ANKFN1: variants seen among roughly 807,000 people sequenced by gnomAD.
ANKFN1 encodes ankyrin repeat and fibronectin type III domain containing 1.
In ANKFN1, 74 loss-of-function variants were observed where a neutral mutation model predicts 108.7. That is an observed-to-expected ratio of 0.68 (90% CI 0.56 to 0.83). ANKFN1 has a LOEUF of 0.83. Ranked by LOEUF, ANKFN1 falls within the 40% of genes least tolerant of loss-of-function variation. ANKFN1 has a pLI of 0.00. For synonymous variants in ANKFN1, 547 were observed against 516.2 expected (o/e 1.06, Z -0.81); for missense variants, 1,505 against 1,382.3 (o/e 1.09, Z -1.41).
At chr17:56,113,646 G>C (rs942694103) in intron 4 of ANKFN1, among the ~76,000 whole-genome samples, 1 of 152,164 alleles carries the variant, frequency 6.6e-6, no homozygotes, top group Non-Finnish European at 1.5e-5. Context: ...TTGTAATGAG[G>C]CAGTGCATGT....
intron 8 of ANKFN1, among the ~76,000 whole-genome samples, chr17:56,388,373 C>T (rs1346044440): frequency 6.6e-6 from 1 of 152,034 alleles, no homozygotes; most frequent in Non-Finnish European, 1.5e-5. Flanking sequence ...CTCTAGTGAT[C>T]CACCCACCTT....
chr17:56,339,867 G>A (rs2045915567), intron 4 of ANKFN1, among the ~76,000 whole-genome samples: 1 of 152,110 alleles, frequency 6.6e-6, no homozygotes, highest in Non-Finnish European at 1.5e-5. Flanking sequence ...TTAGGTCTTT[G>A]AGGAATCACC....
intron 8 of ANKFN1, among the ~76,000 whole-genome samples, chr17:56,391,378 G>A (rs1402563770): frequency 0.017 from 525 of 31,200 alleles, 5 homozygotes; most frequent in East Asian, 0.1. Context: ...ATGTGTGTGT[G>A]TGTGTGTGTG....
chr17:56,239,272 G>T (rs1327005048), intron 3 of ANKFN1, among the ~76,000 whole-genome samples: 1 of 152,086 alleles, frequency 6.6e-6, no homozygotes, highest in African/African-American at 2.4e-5. Flanking sequence ...TTGGTTAATG[G>T]CTACAAAAAT....
chr17:56,082,134 A>G (rs962307901), intron 4 of ANKFN1, among the ~76,000 whole-genome samples: 4 of 152,132 alleles, frequency 2.6e-5, no homozygotes, highest in Non-Finnish European at 5.9e-5. Flanking sequence ...ATGTCTGACT[A>G]GCTACCAGTT....
intron 4 of ANKFN1, among the ~76,000 whole-genome samples, chr17:56,113,804 G>A (rs1410890195): frequency 6.6e-6 from 1 of 152,170 alleles, no homozygotes; most frequent in Non-Finnish European, 1.5e-5. Context: ...TAGAGTCTTT[G>A]AGCAGTGACT....
intron 4 of ANKFN1, among the ~76,000 whole-genome samples, chr17:56,105,579 T>C (rs1447367640): frequency 5.3e-5 from 8 of 152,016 alleles, no homozygotes; most frequent in Non-Finnish European, 1.2e-4. Context: ...ATTTCTTCCT[T>C]CTTTTCTTCC....
At chr17:56,411,866 A>T (rs969612339) in intron 8 of ANKFN1, among the ~76,000 whole-genome samples, 1 of 152,146 alleles carries the variant, frequency 6.6e-6, no homozygotes, top group Non-Finnish European at 1.5e-5. Context: ...TTATATTTAT[A>T]GTGTGCTGTT....
At chr17:56,428,248 A>G (rs866784198) in intron 8 of ANKFN1, among the ~76,000 whole-genome samples, 173 of 151,838 alleles carry the variant, frequency 1.1e-3, no homozygotes, top group African/African-American at 4.0e-3. Context: ...AAAAAAAAAG[A>G]AAAGAAAGAC....
intron 6 of ANKFN1, among the ~76,000 whole-genome samples, chr17:56,361,614 TA>T (rs1477832927): frequency 1.3e-5 from 2 of 152,162 alleles, no homozygotes; most frequent in Non-Finnish European, 2.9e-5. Flanking sequence ...GTGTAATAAT[TA>T]CCCCCAAACA....
chr17:56,187,210 A>C (rs927573192), intron 1 of ANKFN1, among the ~76,000 whole-genome samples: 1 of 152,224 alleles, frequency 6.6e-6, no homozygotes, highest in Non-Finnish European at 1.5e-5. Flanking sequence ...AATATCCAGA[A>C]TCTAAAAAGA....
At chr17:56,260,979 T>C (rs1304688844) in intron 3 of ANKFN1, among the ~76,000 whole-genome samples, 1 of 152,246 alleles carries the variant, frequency 6.6e-6, no homozygotes, top group Non-Finnish European at 1.5e-5. Context: ...TTCTCCTAGA[T>C]AAACATACAA....
At position 56,477,416 on chromosome 17, in the gene ANKFN1, A is replaced by G. The variant is rs2050537756; in HGVS notation, c.1774-72A>G. 3 of 1,399,946 alleles carry G rather than the reference A, an allele frequency of 2.1e-6. No homozygotes were observed. In the South Asian group the frequency reaches 4.9e-5, roughly 23 times the overall value. The allele number at this position is 1,399,946 out of a possible 1,614,324, so 86.7% of individuals were successfully genotyped here. On this transcript the variant is annotated intron_variant, in intron 15 of 20. Transcript: ENST00000682825. ...CATTCATGACAAGCCTTCCTTAGAA[A>G]GGAAAAGGTTTTGAGATTGCCCTTC...
chr17:56,454,563 G>C (rs1490382183), intron 11 of ANKFN1, among the ~76,000 whole-genome samples: 2 of 152,198 alleles, frequency 1.3e-5, no homozygotes, highest in Non-Finnish European at 2.9e-5. Context: ...GAAGTTCTGA[G>C]CACATGCGTA....
At chr17:56,435,178 A>G (rs892292550) in intron 8 of ANKFN1, among the ~76,000 whole-genome samples, 3 of 152,120 alleles carry the variant, frequency 2.0e-5, no homozygotes, top group African/African-American at 7.2e-5. Context: ...TGTCTGTACC[A>G]GCGTGAAATT....
chr17:56,348,196 A>G (rs928154605), intron 4 of ANKFN1, among the ~76,000 whole-genome samples: 2 of 152,132 alleles, frequency 1.3e-5, no homozygotes, highest in African/African-American at 2.4e-5. Context: ...AAGATGCCAG[A>G]TAACCTCCCT....
At chr17:56,349,800 G>A (rs1417484398) in intron 4 of ANKFN1, among the ~76,000 whole-genome samples, 1 of 152,068 alleles carries the variant, frequency 6.6e-6, no homozygotes, top group Non-Finnish European at 1.5e-5. Context: ...AAACATCTGA[G>A]GGGAAGTGGT....
chr17:56,123,898 A>G (rs1420359353), intron 4 of ANKFN1, among the ~76,000 whole-genome samples: 2 of 151,458 alleles, frequency 1.3e-5, no homozygotes, highest in Non-Finnish European at 2.9e-5. Flanking sequence ...TACATGAATT[A>G]TGAGAGGCAT....
intron 8 of ANKFN1, among the ~76,000 whole-genome samples, chr17:56,408,620 T>G (rs1567978880): frequency 6.6e-6 from 1 of 152,186 alleles, no homozygotes; most frequent in Non-Finnish European, 1.5e-5. Flanking sequence ...ATACTAAGGT[T>G]AGATTATTGG....
Sources: allele counts gnomAD v4.1 joint callset (sites outside exome capture counted in the v4.1 genomes callset), GRCh38; gene constraint gnomAD v4.1.1; transcripts MANE v1.5; gene names NCBI Gene and HGNC (gene_info 2026-07-23, HGNC 2026-07-21).